Variants in SIRPB1 observed in about 807,000 individuals in gnomAD.
SIRPB1 encodes signal-regulatory protein beta-1.
A neutral mutation model predicts 34.1 loss-of-function variants in SIRPB1; 28 were observed. That is an observed-to-expected ratio of 0.82 (90% CI 0.61 to 1.12). The LOEUF (loss-of-function observed/expected upper bound fraction) is 1.12. SIRPB1 is among the 50% of genes most tolerant of loss of function. SIRPB1 has a pLI of 0.00. For synonymous variants in SIRPB1, 211 were observed against 203.8 expected (o/e 1.04, Z -0.30); for missense variants, 499 against 507.0 (o/e 0.98, Z 0.15).
chr20:1,586,011 C>T lies in SIRPB1; in HGVS notation c.77-7317G>A, dbSNP rs1467836905. On this transcript the variant is annotated intron_variant, in intron 1 of 5. Coordinates refer to ENST00000381605, the MANE Select transcript of SIRPB1 (RefSeq NM_006065.5). ...AAGCCAGGCACAGAAAGACAAACAC[C>T]GCATGATCTCTCTCATATGTGGAAT... Among the ~76,000 whole-genome samples, 8 of 48,752 alleles carry T rather than the reference C, an allele frequency of 1.6e-4. 4 individuals carry two copies. Among genetic ancestry groups the T allele is most frequent in the East Asian group, 1.2e-3 (2 of 1,722 alleles). 32.0% of individuals were successfully genotyped at this position (48,752 alleles called of 152,430 possible). A position where few individuals can be genotyped will look rare whatever the true frequency, so the allele number is the denominator to read the frequency against.
At chr20:1,568,319 T>C (rs1429058114) in intron 4 of SIRPB1, among the ~76,000 whole-genome samples, 2 of 152,314 alleles carry the variant, frequency 1.3e-5, no homozygotes, top group African/African-American at 4.8e-5. Flanking sequence ...ATGCCACTGA[T>C]GCAGCACGTC....
In SIRPB1 at chr20:1,571,083, T is replaced by A. The variant is rs770258540; in HGVS notation, c.806A>T (p.Asn269Ile). 10 of 1,613,952 alleles carry A rather than the reference T, an allele frequency of 6.2e-6. No homozygotes were observed. The African/African-American group carries it at 1.3e-4, about 22-fold the overall frequency. The change falls in exon 4 of 6, where the codon AAC (asparagine) becomes ATC (isoleucine). Residue 269 changes from asparagine (N) to isoleucine (I), a missense_variant. Physicochemically the swap from Asn to Ile is moderately radical, Grantham distance 149. Coordinates refer to ENST00000381605, the MANE Select transcript of SIRPB1 (RefSeq NM_006065.5). Reference protein sequence around the residue: ...QQPMRAENQANVTCQVSNFYP... With the variant: ...QQPMRAENQAIVTCQVSNFYP... ...GAAATTGCTCACCTGGCAGGTGACG[T>A]TTGCCTGGTTCTCTGCCCTCATGGG...
rs2091083583 is a variant in SIRPB1 at position 1,561,547 on chromosome 20, CCT to C, written c.*3951_*3952del. Among the ~76,000 whole-genome samples, 2 of 151,930 alleles carry C rather than the reference CCT, an allele frequency of 1.3e-5. No individual in the cohort carries two copies. Among genetic ancestry groups the C allele is most frequent in the African/African-American group, 4.8e-5 (2 of 41,364 alleles). ...TTTAGACTTTCCTTGATTTTGATGA[CCT>C]TGACAGTTTTGAGGAGTTCTGGGCC... is the stretch of plus-strand genomic sequence containing the variant. On this transcript the variant is annotated 3_prime_UTR_variant, in exon 6 of 6. Transcript: ENST00000381605.
Position 1,601,562 on chromosome 20 carries a change from C to A in SIRPB1, c.76+18307G>T, listed in dbSNP as rs1236165127. Among the ~76,000 whole-genome samples the A allele has an allele frequency of 4.1e-5, 2 of 49,110 alleles. 1 individual carries two copies. The highest frequency in any genetic ancestry group is 2.7e-4 in the African/African-American group (2 of 7,408). The allele number at this position is 49,110 out of a possible 152,430, so 32.2% of individuals were successfully genotyped here. On this transcript the variant is annotated intron_variant, in intron 1 of 5. Transcript: ENST00000381605. ...TCACTAGGCTGCCACGCTGCTGGTG[C>A]AGTATGTCACATAAGGCATCTTGCA... is the stretch of plus-strand genomic sequence containing the variant.
At chr20:1,603,812 G>A in intron 1 of SIRPB1, 1 of 591,806 alleles carries the variant, frequency 1.7e-6, no homozygotes, top group South Asian at 3.5e-5. Flanking sequence ...AACCTTACCA[G>A]GAGCAGTATT....
intron 4 of SIRPB1, chr20:1,570,409 A>C: frequency 6.1e-6 from 1 of 163,962 alleles, no homozygotes; most frequent in Non-Finnish European, 1.3e-5. Context: ...TTAGGATAGA[A>C]TAGGGACAAG....
In SIRPB1 at chr20:1,564,165, G is replaced by T. The variant is rs2091100202; in HGVS notation, c.*1335C>A. On this transcript the variant is annotated 3_prime_UTR_variant, in exon 6 of 6. Coordinates refer to ENST00000381605, the MANE Select transcript of SIRPB1 (RefSeq NM_006065.5). ...TAATATTTTGACAAAAAATGGTAAAGGTCACAGAATGATCATTGTTTTTCT... is the reference window on the plus strand; with the variant it reads ...TAATATTTTGACAAAAAATGGTAAATGTCACAGAATGATCATTGTTTTTCT... The T allele has an allele frequency of 6.6e-6, 1 of 152,094 alleles. No homozygotes were observed. The highest frequency in any genetic ancestry group is 1.5e-5 in the Non-Finnish European group (1 of 68,018). 9.4% of individuals were successfully genotyped at this position (152,094 alleles called of 1,614,324 possible).
chr20:1,585,333 C>T (rs2091418398), intron 1 of SIRPB1, among the ~76,000 whole-genome samples: 1 of 48,664 alleles, frequency 2.1e-5, no homozygotes, highest in Admixed American at 1.4e-4. Context: ...AAGATATTTT[C>T]AAACCATACA....
intron 1 of SIRPB1, among the ~76,000 whole-genome samples, chr20:1,618,012 T>C (rs554733131): frequency 2.0e-5 from 3 of 152,260 alleles, no homozygotes; most frequent in South Asian, 2.1e-4. Flanking sequence ...CACACACATA[T>C]ATATGTATAT....
chr20:1,613,635 GA>G (rs1363640829), intron 1 of SIRPB1, among the ~76,000 whole-genome samples: 2 of 152,210 alleles, frequency 1.3e-5, no homozygotes, highest in Non-Finnish European at 2.9e-5. Context: ...GCAGGTGGAA[GA>G]ATAATCAGAA....
chr20:1,583,797 T>A lies in SIRPB1; in HGVS notation c.77-5103A>T, dbSNP rs2091410289. On this transcript the variant is annotated intron_variant, in intron 1 of 5. Transcript: ENST00000381605. ...GAGAAAATCAAACATCTCTTTAATG[T>A]GTTTTTCCTGTAGACTAAAAAATGA... 4.3e-5 allele frequency among the ~76,000 whole-genome samples: 2 copies of A among 46,850 alleles called. 1 individual carries two copies. Among genetic ancestry groups the A allele is most frequent in the Non-Finnish European group, 8.1e-5 (2 of 24,730 alleles). 30.7% of individuals were successfully genotyped at this position (46,850 alleles called of 152,430 possible).
In SIRPB1 at chr20:1,578,374, A is replaced by G; in HGVS notation, c.397T>C (p.Phe133Leu). 6.3e-7 allele frequency: 1 copy of G among 1,586,332 alleles called. No homozygotes were observed. Among genetic ancestry groups the G allele is most frequent in the Non-Finnish European group, 8.6e-7 (1 of 1,159,980 alleles). Residue 133 changes from phenylalanine (F) to leucine (L), a missense_variant, in exon 2 of 6, where the codon TTT (phenylalanine) becomes CTT (leucine). By Grantham distance (22) the Phe-to-Leu change is conservative. Transcript: ENST00000381605. ...AGCTCAGTGCCTGCTCCAGACTTAA[A>G]CTCCACGTCGTCAGGGCTCCCTTTC... ...FRKGSPDDVEFKSGAGTELSV... is the reference protein window; with the variant it reads ...FRKGSPDDVELKSGAGTELSV...
rs371715786 is a variant in SIRPB1 at position 1,571,707 on chromosome 20, G to A, written c.751+13C>T. On this transcript the variant is annotated intron_variant, in intron 3 of 5. Coordinates refer to ENST00000381605, the MANE Select transcript of SIRPB1 (RefSeq NM_006065.5). The stretch of plus-strand genomic sequence containing the variant: ...CCAGGTGTGGGCTTGGGCTGGGTGT[G>A]AGGGTCTTCTACCTCGGATGGCCTC... 38 of 1,614,174 alleles carry A rather than the reference G, an allele frequency of 2.4e-5. No homozygotes were observed. In the African/African-American group the frequency reaches 5.1e-4, roughly 22 times the overall value.
chr20:1,616,727 A>C (rs762370134), intron 1 of SIRPB1, among the ~76,000 whole-genome samples: 2 of 152,244 alleles, frequency 1.3e-5, no homozygotes, highest in Non-Finnish European at 2.9e-5. Context: ...AAGCTTCTAC[A>C]CAGCCAAGGA....
Position 1,612,568 on chromosome 20 carries a change from CT to C in SIRPB1, c.76+7300del, listed in dbSNP as rs1331183814. 1.2e-4 allele frequency among the ~76,000 whole-genome samples: 9 copies of C among 72,150 alleles called. 4 individuals are homozygous for C. Among genetic ancestry groups the C allele is most frequent in the Admixed American group, 4.5e-4 (4 of 8,864 alleles). The allele number at this position is 72,150 out of a possible 152,430, so 47.3% of individuals were successfully genotyped here. A position where few individuals can be genotyped will look rare whatever the true frequency, so the allele number is the denominator to read the frequency against. On this transcript the variant is annotated intron_variant, in intron 1 of 5. Transcript: ENST00000381605. ...CTCCCTTCCTGAGACCCACAAGGCTCTAATGGGGCCTGCTCCATTGCCTGGA... is the reference window on the plus strand; with the variant it reads ...CTCCCTTCCTGAGACCCACAAGGCTCAATGGGGCCTGCTCCATTGCCTGGA...
chr20:1,563,802 A>G lies in SIRPB1; in HGVS notation c.*1698T>C. On this transcript the variant is annotated 3_prime_UTR_variant, in exon 6 of 6. Coordinates refer to ENST00000381605, the MANE Select transcript of SIRPB1 (RefSeq NM_006065.5). ...AAAAAACCAGATCTCATGAGAACTC[A>G]CTGAGATCTTATGAGAACTCACTAT... 6.6e-6 allele frequency: 1 copy of G among 152,272 alleles called. No homozygotes were observed. Among genetic ancestry groups the G allele is most frequent in the Admixed American group, 6.5e-5 (1 of 15,278 alleles). The allele number at this position is 152,272 out of a possible 1,614,324, so 9.4% of individuals were successfully genotyped here.
In SIRPB1 at chr20:1,601,578, G is replaced by A. The variant is rs1483168482; in HGVS notation, c.76+18291C>T. Among the ~76,000 whole-genome samples, 4 of 48,802 alleles carry A rather than the reference G, an allele frequency of 8.2e-5. 2 individuals are homozygous for A. Among genetic ancestry groups the A allele is most frequent in the Non-Finnish European group, 1.6e-4 (4 of 25,378 alleles). The allele number at this position is 48,802 out of a possible 152,430, so 32.0% of individuals were successfully genotyped here. On this transcript the variant is annotated intron_variant, in intron 1 of 5. Transcript: ENST00000381605. The stretch of plus-strand genomic sequence containing the variant: ...CTGCTGGTGCAGTATGTCACATAAG[G>A]CATCTTGCATGTTGTGTACCAGCCT...
intron 1 of SIRPB1, among the ~76,000 whole-genome samples, chr20:1,613,463 A>AGAG (rs1297298699): frequency 1.5e-5 from 2 of 130,048 alleles, no homozygotes; most frequent in African/African-American, 6.3e-5. Context: ...AAAAATGCTG[A>AGAG]GAGGTAAAGG....
In SIRPB1 at chr20:1,571,784, T is replaced by A. The variant is rs2253427; in HGVS notation, c.687A>T (p.Ile229=). 3 of 1,614,086 alleles carry A rather than the reference T, an allele frequency of 1.9e-6. No homozygotes were observed. The highest frequency in any genetic ancestry group is 2.5e-6 in the Non-Finnish European group (3 of 1,180,006). ...GDVHSQVICE[I]AHITLQGDPL... is the part of the protein sequence containing the mutation. Reference sequence around the variant, plus strand: ...GGTCCCCCTGCAAGGTGATGTGGGCTATCTCGCAGATGACTTGAGAGTGAA... The same window carrying A: ...GGTCCCCCTGCAAGGTGATGTGGGCAATCTCGCAGATGACTTGAGAGTGAA... The change falls in exon 3 of 6, where the codon ATA becomes ATT. Residue 229 remains isoleucine (I), a synonymous_variant. Coordinates refer to ENST00000381605, the MANE Select transcript of SIRPB1 (RefSeq NM_006065.5).
Sources: gnomAD v4.1 joint callset for allele counts (sites outside exome capture counted in the v4.1 genomes callset) on GRCh38, gnomAD v4.1.1 for gene constraint, MANE v1.5 for transcripts, NCBI Gene and HGNC (gene_info 2026-07-23, HGNC 2026-07-21) for gene names.